NCOA1: variants seen among roughly 807,000 people sequenced by gnomAD.
The protein encoded by NCOA1 is Hin-2 protein.
NCOA1 carries 35 observed loss-of-function variants against 150.9 expected under a neutral mutation model. The observed-to-expected ratio is 0.23, with a 90% confidence interval of 0.18 to 0.31. NCOA1 has a LOEUF of 0.31. Among genes scored for constraint, NCOA1 ranks in the 10% least tolerant of loss-of-function variants. The pLI is 1.00. For synonymous variants in NCOA1, 590 were observed against 630.0 expected (o/e 0.94, Z 0.95); for missense variants, 1,491 against 1,749.3 (o/e 0.85, Z 2.63).
At chr2:24,728,671 T>C (rs967285320) in intron 16 of NCOA1, among the ~76,000 whole-genome samples, 195 bp downstream of exon 16, 2 of 152,198 alleles carry the variant, frequency 1.3e-5, no homozygotes, top group African/African-American at 4.8e-5. Context: ...AAATAAGTCT[T>C]AGCTTTTCAC....
chr2:24,613,548 A>G (rs1668734811), intron 3 of NCOA1, among the ~76,000 whole-genome samples: 1 of 152,172 alleles, frequency 6.6e-6, no homozygotes. Flanking sequence ...CAAGTTCTCT[A>G]CACAGGCAGG....
At chr2:24,748,334 G>A (rs1345922685) in intron 19 of NCOA1, among the ~76,000 whole-genome samples, 10 of 152,018 alleles carry the variant, frequency 6.6e-5, no homozygotes, top group African/African-American at 9.7e-5. Flanking sequence ...CTATAAGGCC[G>A]GGCGTGGTGG....
chr2:24,567,073 G>T (rs1666544757), intron 2 of NCOA1, among the ~76,000 whole-genome samples: 1 of 152,224 alleles, frequency 6.6e-6, no homozygotes, highest in South Asian at 2.1e-4. Context: ...TGCTCTAGAT[G>T]GGCCGCTGCT....
At chr2:24,507,455 T>TTTA (rs1553420646) in intron 1 of NCOA1, among the ~76,000 whole-genome samples, 1 of 146,044 alleles carries the variant, frequency 6.8e-6, no homozygotes, top group South Asian at 2.1e-4. Context: ...TTTTTTTTTT[T>TTTA]AATGTTTAAA....
At chr2:24,727,055 T>C (rs1285748162) in intron 15 of NCOA1, among the ~76,000 whole-genome samples, 1 of 150,494 alleles carries the variant, frequency 6.6e-6, no homozygotes, top group Admixed American at 6.6e-5. Flanking sequence ...GGAGAATTGC[T>C]TGAACCCAGG....
intron 14 of NCOA1, among the ~76,000 whole-genome samples, chr2:24,718,376 G>A (rs889083892): frequency 2.6e-5 from 4 of 152,116 alleles, no homozygotes; most frequent in Non-Finnish European, 5.9e-5. Flanking sequence ...ATGTAAAGTG[G>A]TATAGCAAAT....
intron 17 of NCOA1, among the ~76,000 whole-genome samples, chr2:24,736,022 G>T (rs1267822923): frequency 6.6e-6 from 1 of 152,048 alleles, no homozygotes; most frequent in African/African-American, 2.4e-5. Context: ...GGGAGTTTGA[G>T]ACCAGCCTGA....
At chr2:24,732,486 A>G (rs1663068166) in intron 17 of NCOA1, among the ~76,000 whole-genome samples, 1 of 152,186 alleles carries the variant, frequency 6.6e-6, no homozygotes. Context: ...TTTCAGCACT[A>G]GGTCGCTCAG....
chr2:24,537,441 T>C (rs1046237727), intron 1 of NCOA1, among the ~76,000 whole-genome samples: 2 of 151,938 alleles, frequency 1.3e-5, no homozygotes, highest in African/African-American at 4.8e-5. Flanking sequence ...TGTGTATATA[T>C]ACATAATATA....
At chr2:24,701,684 T>C (rs965923518) in intron 11 of NCOA1, among the ~76,000 whole-genome samples, 20 of 152,232 alleles carry the variant, frequency 1.3e-4, no homozygotes, top group African/African-American at 4.8e-4. Flanking sequence ...CTATTAACTT[T>C]ATATTAAAAT....
At chr2:24,568,609 C>T (rs563777228) in intron 2 of NCOA1, among the ~76,000 whole-genome samples, 25 of 152,284 alleles carry the variant, frequency 1.6e-4, no homozygotes, top group Admixed American at 9.1e-4. Flanking sequence ...GTTGCTAAGA[C>T]AGAGAGGTCC....
intron 3 of NCOA1, among the ~76,000 whole-genome samples, chr2:24,624,514 C>T (rs1360446139): frequency 2.0e-5 from 3 of 152,150 alleles, no homozygotes; most frequent in African/African-American, 7.2e-5. Flanking sequence ...TCAATAGATT[C>T]TCTGCCCCTG....
At chr2:24,750,097 G>GA (rs527294680) in intron 19 of NCOA1, among the ~76,000 whole-genome samples, 1 of 151,056 alleles carries the variant, frequency 6.6e-6, no homozygotes, top group African/African-American at 2.4e-5. Flanking sequence ...AATTACAGAA[G>GA]AAAAAAATAG....
intron 3 of NCOA1, among the ~76,000 whole-genome samples, chr2:24,627,258 T>C (rs1669469189): frequency 6.6e-6 from 1 of 151,904 alleles, no homozygotes; most frequent in Non-Finnish European, 1.5e-5. Context: ...CTTTGTTATA[T>C]AATTAAACTT....
At chr2:24,703,118 T>C (rs1194287051) in intron 11 of NCOA1, among the ~76,000 whole-genome samples, 3 of 152,228 alleles carry the variant, frequency 2.0e-5, no homozygotes, top group Non-Finnish European at 4.4e-5. Context: ...GTGCTAGATA[T>C]TATCTTACAA....
intron 1 of NCOA1, among the ~76,000 whole-genome samples, chr2:24,493,151 T>G (rs1663054224): frequency 6.6e-6 from 1 of 152,238 alleles, no homozygotes; most frequent in African/African-American, 2.4e-5. Flanking sequence ...TGGGGTTTGA[T>G]TCAGCTTAAC....
At chr2:24,676,065 T>C (rs1410367644) in intron 7 of NCOA1, among the ~76,000 whole-genome samples, 2 of 152,066 alleles carry the variant, frequency 1.3e-5, no homozygotes, top group Non-Finnish European at 2.9e-5. Flanking sequence ...ACTTTGGAGG[T>C]TGGAGGTATT....
intron 3 of NCOA1, among the ~76,000 whole-genome samples, chr2:24,610,384 G>A (rs1668569707): frequency 1.3e-5 from 2 of 151,596 alleles, no homozygotes; most frequent in African/African-American, 2.4e-5. Context: ...CTCGTAATCT[G>A]CCCACCTTGG....
Position 24,522,622 on chromosome 2 carries a change from G to A in NCOA1, c.-396+31020G>A, listed in dbSNP as rs540107631. Among the ~76,000 whole-genome samples the A allele has an allele frequency of 4.6e-5, 7 of 152,192 alleles. No individual in the cohort carries two copies. In the South Asian group the frequency reaches 6.2e-4, roughly 14 times the overall value. On this transcript the variant is annotated intron_variant, in intron 1 of 22. Transcript: ENST00000348332. ...CTGATTTAGCAATGGTATAGAAATG[G>A]GAGGAGGAAGAACAACTGAGTAAGA...
Sources: allele counts gnomAD v4.1 joint callset (sites outside exome capture counted in the v4.1 genomes callset), GRCh38; gene constraint gnomAD v4.1.1; transcripts MANE v1.5; gene names NCBI Gene and HGNC (gene_info 2026-07-23, HGNC 2026-07-21).